RBFOX1: variants seen among roughly 807,000 people sequenced by gnomAD.
RBFOX1 encodes RNA binding fox-1 homolog 1.
Under a neutral mutation model 57.7 loss-of-function variants are expected in RBFOX1, and 8 were observed. That is an observed-to-expected ratio of 0.14 (90% CI 0.08 to 0.25). The LOEUF (loss-of-function observed/expected upper bound fraction) is 0.25. RBFOX1 is among the 10% of genes least tolerant of loss of function. The pLI is 1.00. For synonymous variants in RBFOX1, 326 were observed against 222.4 expected, an observed-to-expected ratio of 1.47 and a Z score of -4.15; for missense variants, 611 against 548.5, an observed-to-expected ratio of 1.11 and a Z score of -1.14.
At chr16:7,329,693 G>A (rs950573666) in intron 4 of RBFOX1, among the ~76,000 whole-genome samples, 9 of 152,190 alleles carry the variant, frequency 5.9e-5, no homozygotes, top group Non-Finnish European at 1.2e-4. Context: ...GAGAATGTAT[G>A]AGTAATGGTG....
intron 2 of RBFOX1, among the ~76,000 whole-genome samples, chr16:6,400,658 C>A (rs1309132817): frequency 6.6e-6 from 1 of 152,162 alleles, no homozygotes; most frequent in Non-Finnish European, 1.5e-5. Context: ...CTGAGGCGGG[C>A]AAGTTACTTG....
At chr16:7,168,769 A>C (rs958574001) in intron 4 of RBFOX1, among the ~76,000 whole-genome samples, 2 of 152,208 alleles carry the variant, frequency 1.3e-5, no homozygotes, top group African/African-American at 4.8e-5. Context: ...TCCATAATGT[A>C]CACCATCCAA....
intron 13 of RBFOX1, among the ~76,000 whole-genome samples, chr16:7,667,322 G>T (rs1027236336): frequency 2.0e-5 from 3 of 152,162 alleles, no homozygotes; most frequent in Non-Finnish European, 4.4e-5. Flanking sequence ...GGTCTTTGAT[G>T]ACCATAAGTT....
At chr16:6,608,212 A>G (rs2097975039) in intron 2 of RBFOX1, among the ~76,000 whole-genome samples, 1 of 152,114 alleles carries the variant, frequency 6.6e-6, no homozygotes. Context: ...TTTTTCTCAA[A>G]TTATTTCTAA....
At chr16:5,333,063 C>A (rs1039647481) in intron 1 of RBFOX1, among the ~76,000 whole-genome samples, 1 of 152,098 alleles carries the variant, frequency 6.6e-6, no homozygotes, top group African/African-American at 2.4e-5. Flanking sequence ...TGGTGGGCAC[C>A]TGTAGTCCCA....
At chr16:6,269,525 C>G (rs1458652744) in intron 1 of RBFOX1, among the ~76,000 whole-genome samples, 2 of 152,016 alleles carry the variant, frequency 1.3e-5, no homozygotes, top group Admixed American at 6.5e-5. Flanking sequence ...AGGAGGAAAC[C>G]CATTTGAAAG....
chr16:7,243,222 T>G (rs879755314), intron 4 of RBFOX1, among the ~76,000 whole-genome samples: 7 of 152,142 alleles, frequency 4.6e-5, no homozygotes, highest in Non-Finnish European at 7.3e-5. Context: ...CAACAACTAC[T>G]CCAAGCACTT....
At chr16:5,886,669 T>G (rs2057906563) in intron 4 of RBFOX1, among the ~76,000 whole-genome samples, 1 of 152,190 alleles carries the variant, frequency 6.6e-6, no homozygotes, top group South Asian at 2.1e-4. Flanking sequence ...AGGCAGATCA[T>G]CTGAGGTCAG....
chr16:7,705,819 G>A (rs1568585547), intron 14 of RBFOX1, among the ~76,000 whole-genome samples: 2 of 152,142 alleles, frequency 1.3e-5, no homozygotes, highest in African/African-American at 2.4e-5. Context: ...TATTAGTGTA[G>A]TCATCATGTG....
At chr16:7,180,231 A>G (rs576680298) in intron 4 of RBFOX1, among the ~76,000 whole-genome samples, 2 of 152,268 alleles carry the variant, frequency 1.3e-5, no homozygotes, top group African/African-American at 4.8e-5. Flanking sequence ...ATTTCAGATA[A>G]TTTTTAAATG....
At chr16:6,762,470 A>C (rs2076745742) in intron 3 of RBFOX1, among the ~76,000 whole-genome samples, 1 of 152,186 alleles carries the variant, frequency 6.6e-6, no homozygotes, top group Non-Finnish European at 1.5e-5. Flanking sequence ...AACAAAAGAA[A>C]AGGTGTGAAT....
At chr16:6,773,340 T>G (rs1423126101) in intron 3 of RBFOX1, among the ~76,000 whole-genome samples, 1 of 146,474 alleles carries the variant, frequency 6.8e-6, no homozygotes, top group Non-Finnish European at 1.5e-5. Flanking sequence ...TCTGTGCATG[T>G]GTATGTGTGG....
intron 3 of RBFOX1, among the ~76,000 whole-genome samples, chr16:5,699,662 C>A (rs2050967582): frequency 6.6e-6 from 1 of 152,074 alleles, no homozygotes; most frequent in Admixed American, 6.5e-5. Flanking sequence ...GGGTGTGCTA[C>A]TGGGATCTAG....
At chr16:6,957,818 C>G (rs1317697675) in intron 3 of RBFOX1, among the ~76,000 whole-genome samples, 4 of 152,132 alleles carry the variant, frequency 2.6e-5, no homozygotes, top group African/African-American at 4.8e-5. Context: ...TCTCTTTTCA[C>G]ACAGCCTCTT....
At chr16:5,494,528 G>A (rs995541398) in intron 2 of RBFOX1, among the ~76,000 whole-genome samples, 23 of 152,218 alleles carry the variant, frequency 1.5e-4, no homozygotes, top group African/African-American at 5.3e-4. Context: ...AGATGCTGTG[G>A]TCCAAGGATG....
At chr16:6,027,401 G>A (rs1222494333) in intron 1 of RBFOX1, among the ~76,000 whole-genome samples, 1 of 152,156 alleles carries the variant, frequency 6.6e-6, no homozygotes, top group Non-Finnish European at 1.5e-5. Context: ...ACCATGATAA[G>A]GTACTAGGAA....
At chr16:5,929,340 C>A (rs1004474053) in intron 4 of RBFOX1, among the ~76,000 whole-genome samples, 1 of 152,064 alleles carries the variant, frequency 6.6e-6, no homozygotes, top group Admixed American at 6.6e-5. Context: ...CTCTCTCTTT[C>A]TCTGCCCACC....
At chr16:7,055,246 G>A (rs1035297365) in intron 4 of RBFOX1, among the ~76,000 whole-genome samples, 3 of 152,040 alleles carry the variant, frequency 2.0e-5, no homozygotes, top group African/African-American at 7.2e-5. Context: ...AGCTGACTAC[G>A]CAACACTTTT....
At chr16:5,913,441 G>C (rs2058645591) in intron 4 of RBFOX1, among the ~76,000 whole-genome samples, 1 of 152,166 alleles carries the variant, frequency 6.6e-6, no homozygotes, top group Non-Finnish European at 1.5e-5. Flanking sequence ...CCACAGTAAT[G>C]AGCTCAAGTC....
Sources: allele counts gnomAD v4.1 joint callset (sites outside exome capture counted in the v4.1 genomes callset), GRCh38; gene constraint gnomAD v4.1.1; transcripts MANE v1.5; gene names NCBI Gene and HGNC (gene_info 2026-07-23, HGNC 2026-07-21).